TRPM3: variants seen among roughly 807,000 people sequenced by gnomAD.
TRPM3 encodes transient receptor potential cation channel subfamily M member 3.
In TRPM3, 77 loss-of-function variants were observed where a neutral mutation model predicts 181.2. The ratio of observed to expected loss-of-function variants is 0.42; its 90% CI spans 0.35 to 0.51. TRPM3 has a LOEUF of 0.51. TRPM3 is among the 20% of genes least tolerant of loss of function. The pLI is 0.01. For missense variants in TRPM3, 1,759 were observed against 2,196.7 expected, an observed-to-expected ratio of 0.80 and a Z score of 3.98; for synonymous variants, 745 against 796.4, an observed-to-expected ratio of 0.94 and a Z score of 1.09.
intron 8 of TRPM3, among the ~76,000 whole-genome samples, chr9:70,750,192 C>T (rs1426750088): frequency 1.3e-5 from 2 of 152,042 alleles, no homozygotes; most frequent in Non-Finnish European, 2.9e-5. Flanking sequence ...GCTGGATGCT[C>T]GCAGTTTCAT....
rs2090425217 is a variant in TRPM3, at chr9:71,334,498, A to T, written c.183+112155T>A. On this transcript the variant is annotated intron_variant, in intron 1 of 24. Transcript: ENST00000357533. ...AAATTTTTGCCACAGAATTACCATA[A>T]CATCCTCTGCTCTATTACAGATGAT... 2.0e-5 allele frequency among the ~76,000 whole-genome samples: 3 copies of T among 148,072 alleles called. No individual in the cohort carries two copies. The South Asian group carries it at 6.3e-4, about 31-fold the overall frequency.
chr9:71,388,826 C>T (rs2132931043), intron 1 of TRPM3, among the ~76,000 whole-genome samples: 1 of 152,182 alleles, frequency 6.6e-6, no homozygotes, highest in South Asian at 2.1e-4. Context: ...CCATCCAGAG[C>T]CCAGGGATCA....
intron 22 of TRPM3, among the ~76,000 whole-genome samples, chr9:70,582,762 A>C (rs2132384148): frequency 6.6e-6 from 1 of 152,294 alleles, no homozygotes; most frequent in African/African-American, 2.4e-5. Context: ...ATCACAGTAG[A>C]TTCTACTGTA....
At chr9:70,813,349 T>C (rs906260174) in intron 6 of TRPM3, among the ~76,000 whole-genome samples, 10 of 151,966 alleles carry the variant, frequency 6.6e-5, no homozygotes, top group Non-Finnish European at 8.8e-5. Context: ...ATAAAATCAT[T>C]ATGTCCTCTG....
intron 5 of TRPM3, among the ~76,000 whole-genome samples, chr9:70,831,962 A>AATATATATAT (rs71367232): frequency 0.035 from 2,234 of 63,464 alleles, 48 homozygotes; most frequent in Non-Finnish European, 0.047. Context: ...GTACCCCATA[A>AATATATATAT]ATATATATAT....
chr9:71,332,172 T>C (rs1419375536), intron 1 of TRPM3, among the ~76,000 whole-genome samples: 1 of 151,764 alleles, frequency 6.6e-6, no homozygotes, highest in Non-Finnish European at 1.5e-5. Context: ...TATTCAAATC[T>C]TGGATGATTT....
At chr9:71,329,143 C>T (rs1048915334) in intron 1 of TRPM3, among the ~76,000 whole-genome samples, 8 of 152,224 alleles carry the variant, frequency 5.3e-5, no homozygotes, top group Non-Finnish European at 1.2e-4. Context: ...TGCTTGTTAA[C>T]GTGGGCTTTG....
rs973205157 is a variant in TRPM3, at chr9:71,067,712, T to C, written c.177+53466A>G. Among the ~76,000 whole-genome samples the C allele has an allele frequency of 3.9e-5, 6 of 152,324 alleles. No individual in the cohort carries two copies. The East Asian group carries it at 1.2e-3, about 29-fold the overall frequency. On this transcript the variant is annotated intron_variant, in intron 1 of 25. Coordinates refer to ENST00000677713, the MANE Select transcript of TRPM3 (RefSeq NM_001366145.2). ...TAAATGCTCAGTTAATATTTCCTAATATGAAGATTGCAGTTCCTGGTAACT... is the reference window on the plus strand; with the variant it reads ...TAAATGCTCAGTTAATATTTCCTAACATGAAGATTGCAGTTCCTGGTAACT...
At chr9:71,231,515 C>A (rs966020088) in intron 1 of TRPM3, among the ~76,000 whole-genome samples, 14 of 152,154 alleles carry the variant, frequency 9.2e-5, no homozygotes, top group African/African-American at 3.1e-4. Context: ...CTCCAGAATT[C>A]TGAGAGAACA....
At chr9:70,853,677 T>C (rs1317080692) in intron 3 of TRPM3, among the ~76,000 whole-genome samples, 1 of 152,228 alleles carries the variant, frequency 6.6e-6, no homozygotes, top group Non-Finnish European at 1.5e-5. Flanking sequence ...AAGGAACATT[T>C]GGTTAACTGT....
At chr9:71,021,150 TTTA>T (rs1448175369) in intron 1 of TRPM3, among the ~76,000 whole-genome samples, 11 of 152,176 alleles carry the variant, frequency 7.2e-5, no homozygotes, top group African/African-American at 2.7e-4. Context: ...TATCTCTCAA[TTTA>T]TATAAAGTTC....
intron 1 of TRPM3, among the ~76,000 whole-genome samples, chr9:71,286,963 A>ATATAATATAATTATAT (rs2085330103): frequency 7.2e-6 from 1 of 138,188 alleles, no homozygotes; most frequent in African/African-American, 2.7e-5. Flanking sequence ...TATATAAATT[A>ATATAATATAATTATAT]TATATAATAT....
intron 1 of TRPM3, among the ~76,000 whole-genome samples, chr9:71,194,295 G>C (rs2078209209): frequency 6.6e-6 from 1 of 151,916 alleles, no homozygotes; most frequent in Non-Finnish European, 1.5e-5. Flanking sequence ...TGGCAACCAG[G>C]AGGATTGATT....
At chr9:71,364,718 G>T (rs2092277292) in intron 1 of TRPM3, among the ~76,000 whole-genome samples, 2 of 152,178 alleles carry the variant, frequency 1.3e-5, no homozygotes, top group African/African-American at 2.4e-5. Context: ...CTTGAGAGTA[G>T]TATGTCTCAT....
At position 71,077,692 on chromosome 9, in the gene TRPM3, C is replaced by T. The variant is rs74785346; in HGVS notation, c.177+43486G>A. 8.9e-3 allele frequency among the ~76,000 whole-genome samples: 1,360 copies of T among 152,160 alleles called. 19 individuals carry two copies. The highest frequency in any genetic ancestry group is 0.029 in the African/African-American group (1,218 of 41,502). On this transcript the variant is annotated intron_variant, in intron 1 of 25. Transcript: ENST00000677713. ...ACACCCGTTTTTACCCACACTCTGC[C>T]CGCACTAGTGGACGGTAGAGACCGT...
chr9:70,882,593 G>T (rs1589505436), intron 1 of TRPM3, among the ~76,000 whole-genome samples: 3 of 152,080 alleles, frequency 2.0e-5, no homozygotes, highest in South Asian at 4.2e-4. Context: ...AAGAAATTTT[G>T]AGTATTCTGG....
At chr9:71,028,079 C>T (rs2056808592) in intron 1 of TRPM3, among the ~76,000 whole-genome samples, 1 of 152,110 alleles carries the variant, frequency 6.6e-6, no homozygotes, top group Admixed American at 6.5e-5. Context: ...GAACAGGTCA[C>T]CTACAAAGGG....
intron 1 of TRPM3, among the ~76,000 whole-genome samples, chr9:70,876,935 TTGG>T (rs1347655252): frequency 1.3e-5 from 2 of 152,024 alleles, no homozygotes; most frequent in Non-Finnish European, 2.9e-5. Flanking sequence ...CAATTTCCCT[TTGG>T]TGTAGTACCT....
chr9:71,360,813 G>A (rs1433417099), intron 1 of TRPM3, among the ~76,000 whole-genome samples: 1 of 152,012 alleles, frequency 6.6e-6, no homozygotes, highest in African/African-American at 2.4e-5. Flanking sequence ...GGTAGAGTTT[G>A]CATTAAAATG....
Sources: allele counts gnomAD v4.1 joint callset (sites outside exome capture counted in the v4.1 genomes callset), GRCh38; gene constraint gnomAD v4.1.1; transcripts MANE v1.5; gene names NCBI Gene and HGNC (gene_info 2026-07-23, HGNC 2026-07-21).